The following TBXT variants were observed in gnomAD, a reference collection of about 807,000 sequenced individuals.
TBXT encodes T-box transcription factor T.
In TBXT, 19 loss-of-function variants were observed where a neutral mutation model predicts 41.1. The ratio of observed to expected loss-of-function variants is 0.46; its 90% confidence interval spans 0.32 to 0.68. The LOEUF is 0.68. Ranked by LOEUF, TBXT falls within the 30% of genes least tolerant of loss-of-function variation. TBXT has a pLI of 0.03. For missense variants in TBXT, 536 were observed against 582.0 expected, an observed-to-expected ratio of 0.92 and a Z score of 0.81; for synonymous variants, 213 against 238.9, an observed-to-expected ratio of 0.89 and a Z score of 1.00.
chr6:166,162,036 T>C (rs1778974273), intron 6 of TBXT, among the ~76,000 whole-genome samples: 1 of 152,138 alleles, frequency 6.6e-6, no homozygotes, highest in African/African-American at 2.4e-5. Context: ...CTGGGCACCG[T>C]ATTTGGAGAA....
chr6:166,166,899 C>G (rs569634620), intron 1 of TBXT, 43 bp from the exon 2 acceptor site: 8 of 1,612,026 alleles, frequency 5.0e-6, no homozygotes, highest in South Asian at 3.3e-5. Flanking sequence ...CGACACTGAC[C>G]AGGTAGGCCG....
At chr6:166,166,535 G>A in intron 2 of TBXT, 57 bp downstream of exon 2, 1 of 1,611,654 alleles carries the variant, frequency 6.2e-7, no homozygotes, top group Non-Finnish European at 8.5e-7. Context: ...CCGTGCAGAA[G>A]GCGCAGCGCG....
chr6:166,165,688 C>G lies in TBXT; in HGVS notation c.606+18G>C, dbSNP rs759231044. On this transcript the variant is annotated intron_variant, in intron 3 of 7. Transcript: ENST00000366876. ...ACCGCAGCACACCGGGAAAGCGATC[C>G]GCCTCTGTCCTTCTCACCTCCTCGT... 6 of 1,613,558 alleles carry G rather than the reference C, an allele frequency of 3.7e-6. No individual in the cohort carries two copies.
Position 166,167,503 on chromosome 6 carries a change from G to C in TBXT, c.89C>G (p.Ala30Gly), listed in dbSNP as rs1347664182. 2.5e-6 allele frequency: 4 copies of C among 1,608,180 alleles called. No homozygotes were observed. In the African/African-American group the frequency reaches 4.0e-5, roughly 16 times the overall value. Residue 30 changes from alanine to glycine, a missense_variant, in exon 1 of 8, where the codon GCG becomes GGG. Transcript: ENST00000366876. ...LLSAVENELQAGSEKGDPTER... is the reference protein window; with the variant it reads ...LLSAVENELQGGSEKGDPTER... Reference sequence around the variant, plus strand: ...TGTGGGGTCGCCCTTCTCGCTGCCCGCCTGCAGCTCATTCTCCACGGCGCT... The same window carrying C: ...TGTGGGGTCGCCCTTCTCGCTGCCCCCCTGCAGCTCATTCTCCACGGCGCT...
chr6:166,158,237 C>T lies in TBXT; in HGVS notation c.*78G>A, dbSNP rs550527863. On this transcript the variant is annotated 3_prime_UTR_variant, in exon 8 of 8. Transcript: ENST00000366876. ...CTTAACCTGAGACTGCCACTGGGTA[C>T]CTAGTAGGTCAATCCAGTCACCACT... 4.4e-6 allele frequency: 7 copies of T among 1,608,358 alleles called. No homozygotes were observed. The East Asian group carries it at 1.6e-4, about 36-fold the overall frequency.
chr6:166,167,523 G>A lies in TBXT; in HGVS notation c.69C>T (p.Ala23=), dbSNP rs879439022. The change falls in exon 1 of 8, where the codon GCC becomes GCT. Residue 23 remains alanine (A), a synonymous_variant. Coordinates refer to ENST00000366876, the MANE Select transcript of TBXT (RefSeq NM_001366285.2). ...LQYRVDHLLS[A]VENELQAGSE... ...TGCCCGCCTGCAGCTCATTCTCCAC[G>A]GCGCTCAGCAGGTGGTCCACTCGGT... The A allele has an allele frequency of 7.5e-6, 12 of 1,603,626 alleles. No homozygotes were observed. The highest frequency in any genetic ancestry group is 1.3e-5 in the African/African-American group (1 of 74,852).
At position 166,158,360 on chromosome 6, in the gene TBXT, G is replaced by A. The variant is rs1355632047; in HGVS notation, c.1266C>T (p.Gly422=). The A allele has an allele frequency of 6.2e-7, 1 of 1,614,246 alleles. No individual in the cohort carries two copies. The highest frequency in any genetic ancestry group is 1.3e-5 in the African/African-American group (1 of 75,072). Residue 422 remains glycine, a synonymous_variant, in exon 8 of 8, where the codon GGC becomes GGT. Transcript: ENST00000366876. ...CAGGTGTCCATGAGGCTATGAGGCG[G>A]CCTTGGGCTGCGGCGTCGTACTGGC... ...VDSQYDAAAQ[G]RLIASWTPVS...
chr6:166,167,466 C>T lies in TBXT; in HGVS notation c.126G>A (p.Leu42=). The stretch of plus-strand genomic sequence containing the variant: ...GCTCGCTCTCCTCCAGGCCCACGCG[C>T]AGTTCGCGCTCTGTGGGGTCGCCCT... The part of the protein sequence containing the change: ...SEKGDPTERE[L]RVGLEESELW... Residue 42 remains leucine (L), a synonymous_variant, in exon 1 of 8, where the codon CTG becomes CTA. Coordinates refer to ENST00000366876, the MANE Select transcript of TBXT (RefSeq NM_001366285.2). 1 of 1,612,618 alleles carries T rather than the reference C, an allele frequency of 6.2e-7. No homozygotes were observed. The highest frequency in any genetic ancestry group is 8.5e-7 in the Non-Finnish European group (1 of 1,179,940).
intron 7 of TBXT, among the ~76,000 whole-genome samples, chr6:166,159,846 C>T (rs1203812624): frequency 6.6e-6 from 1 of 152,212 alleles, no homozygotes; most frequent in African/African-American, 2.4e-5. Flanking sequence ...CTGTCAACAG[C>T]TTGCAGTGTG....
At chr6:166,159,918 C>A (rs370598848) in intron 7 of TBXT, among the ~76,000 whole-genome samples, 2 of 151,444 alleles carry the variant, frequency 1.3e-5, no homozygotes, top group African/African-American at 4.9e-5. Context: ...GAAAGCTTCG[C>A]TTGTTTACGC....
At chr6:166,162,018 G>A (rs1778973248) in intron 6 of TBXT, among the ~76,000 whole-genome samples, 1 of 152,260 alleles carries the variant, frequency 6.6e-6, no homozygotes, top group African/African-American at 2.4e-5. Context: ...TGGTGCTGAG[G>A]CTCTGGCCTG....
chr6:166,162,360 T>G, intron 6 of TBXT, 87 bp downstream of exon 6: 1 of 1,490,582 alleles, frequency 6.7e-7, no homozygotes. Context: ...TCCATTTTTT[T>G]AGATTCTAGA....
intron 5 of TBXT, 62 bp downstream of exon 5, chr6:166,164,543 A>C: frequency 6.3e-7 from 1 of 1,592,100 alleles, no homozygotes; most frequent in Non-Finnish European, 8.6e-7. Context: ...TCCACTTCCC[A>C]GCTCTCAGCA....
At chr6:166,166,479 G>T (rs951134648) in intron 2 of TBXT, 113 bp downstream of exon 2, 3 of 1,535,858 alleles carry the variant, frequency 2.0e-6, no homozygotes, top group Non-Finnish European at 2.7e-6. Flanking sequence ...AGTTTCTCCA[G>T]GGCAGACGTC....
upstream of TBXT, chr6:166,168,018 A>C: frequency 3.0e-5 from 7 of 234,456 alleles, no homozygotes; most frequent in East Asian, 1.2e-4. Context: ...GGGGCCAACA[A>C]TGGGCTCCCG....
upstream of TBXT, chr6:166,167,946 G>A (rs1046621062): frequency 4.5e-5 from 17 of 378,482 alleles, no homozygotes; most frequent in Non-Finnish European, 7.0e-5. Context: ...TGAAGTGCCG[G>A]GCAGCCTCCC....
In TBXT at chr6:166,167,550, C is replaced by G; in HGVS notation, c.42G>C (p.Gln14His). The change falls in exon 1 of 8, where the codon CAG becomes CAC. Residue 14 changes from glutamine (Q) to histidine (H), a missense_variant. Coordinates refer to ENST00000366876, the MANE Select transcript of TBXT (RefSeq NM_001366285.2). ...PGTESAGKSL[Q>H]YRVDHLLSAV... ...CGCTCAGCAGGTGGTCCACTCGGTA[C>G]TGCAGGCTCTTTCCCGCGCTCTCGG... 1 of 1,590,964 alleles carries G rather than the reference C, an allele frequency of 6.3e-7. No homozygotes were observed. The highest frequency in any genetic ancestry group is 1.7e-5 in the Admixed American group (1 of 58,292).
intron 5 of TBXT, among the ~76,000 whole-genome samples, chr6:166,163,830 C>T (rs750300155): frequency 6.6e-5 from 10 of 152,184 alleles, no homozygotes; most frequent in South Asian, 2.1e-4. Context: ...GCTGCCCAGC[C>T]GGCCCTGGCC....
In TBXT at chr6:166,157,895, A is replaced by G. The variant is rs1778827448; in HGVS notation, c.*420T>C. ...GCTCAACTCTAACTACTTGAAAGCA[A>G]CAAGGAAGAAGATTAAGAGTGTGCT... On this transcript the variant is annotated 3_prime_UTR_variant, in exon 8 of 8. Transcript: ENST00000366876. 3.5e-6 allele frequency: 1 copy of G among 288,494 alleles called. No individual in the cohort carries two copies. Among genetic ancestry groups the G allele is most frequent in the African/African-American group, 2.2e-5 (1 of 46,232 alleles). 17.9% of individuals were successfully genotyped at this position (288,494 alleles called of 1,614,324 possible). A position where few individuals can be genotyped will look rare whatever the true frequency, so the allele number is the denominator to read the frequency against.
Sources: gnomAD v4.1 joint callset for allele counts (sites outside exome capture counted in the v4.1 genomes callset) on GRCh38, gnomAD v4.1.1 for gene constraint, MANE v1.5 for transcripts, NCBI Gene and HGNC (gene_info 2026-07-23, HGNC 2026-07-21) for gene names.